Variants in DIS3L2 observed in about 807,000 individuals in gnomAD.
The protein encoded by DIS3L2 is DIS3 like 3'-5' exoribonuclease 2, also known as DIS3-like exonuclease 2.
DIS3L2 carries 34 observed loss-of-function variants against 97.5 expected under a neutral mutation model. That is an observed-to-expected ratio of 0.35 (90% CI 0.27 to 0.46). DIS3L2 has a LOEUF of 0.46. Ranked by LOEUF, DIS3L2 falls within the 20% of genes least tolerant of loss-of-function variation. The probability of loss-of-function intolerance (pLI) is 1.00; values close to 1 mark genes in which losing one functional copy is unlikely to be tolerated. For synonymous variants in DIS3L2, 435 were observed against 445.2 expected, an observed-to-expected ratio of 0.98 and a Z score of 0.29; for missense variants, 1,038 against 1,146.0, an observed-to-expected ratio of 0.91 and a Z score of 1.36.
chr2:232,343,693 G>A, exon 14 of DIS3L2: 1 of 1,135,306 alleles, frequency 8.8e-7, no homozygotes, highest in Non-Finnish European at 1.2e-6. Context: ...CTGGATGTGG[G>A]TGCTGATTTT....
chr2:232,219,680 T>C (rs568232825), intron 10 of DIS3L2, among the ~76,000 whole-genome samples: 1 of 152,292 alleles, frequency 6.6e-6, no homozygotes, highest in African/African-American at 2.4e-5. Flanking sequence ...GAGGCTCACT[T>C]CCTTCCTCTT....
intron 1 of DIS3L2, among the ~76,000 whole-genome samples, chr2:232,007,143 C>CTTT (rs1694073708): frequency 6.6e-5 from 10 of 152,174 alleles, no homozygotes; most frequent in Non-Finnish European, 1.0e-4. Flanking sequence ...ATTGGGAATA[C>CTTT]CCCAGTGGCA....
At chr2:232,071,542 AGAAAC>A (rs1424440165) in intron 5 of DIS3L2, among the ~76,000 whole-genome samples, 1 of 152,000 alleles carries the variant, frequency 6.6e-6, no homozygotes, top group African/African-American at 2.4e-5. Context: ...AAAAAAAAAA[AGAAAC>A]CTGTTATTGA....
At chr2:232,225,665 T>C (rs531095425) in intron 10 of DIS3L2, among the ~76,000 whole-genome samples, 2 of 152,338 alleles carry the variant, frequency 1.3e-5, no homozygotes, top group East Asian at 1.9e-4. Flanking sequence ...ATATTTACTT[T>C]GTAAAACTTC....
intron 3 of DIS3L2, among the ~76,000 whole-genome samples, chr2:232,022,003 A>C (rs922207642): frequency 5.3e-5 from 8 of 152,184 alleles, no homozygotes; most frequent in African/African-American, 1.9e-4. Context: ...GGAAGAAGAC[A>C]GGAGATGGGC....
At chr2:232,265,966 G>T (rs908369460) in intron 13 of DIS3L2, among the ~76,000 whole-genome samples, 1 of 152,178 alleles carries the variant, frequency 6.6e-6, no homozygotes, top group Admixed American at 6.5e-5. Flanking sequence ...AAAACATTTA[G>T]TGATGGGTTT....
intron 5 of DIS3L2, among the ~76,000 whole-genome samples, chr2:232,083,261 G>A (rs536292074): frequency 3.2e-4 from 41 of 130,142 alleles, no homozygotes; most frequent in African/African-American, 1.1e-3. Context: ...GCAGAATCAC[G>A]CTGATTACAA....
At chr2:232,242,680 G>A (rs1323316821) in intron 11 of DIS3L2, among the ~76,000 whole-genome samples, 1 of 152,180 alleles carries the variant, frequency 6.6e-6, no homozygotes, top group Non-Finnish European at 1.5e-5. Context: ...GCTGCCTTGG[G>A]CAGTGGTGTA....
intron 8 of DIS3L2, among the ~76,000 whole-genome samples, chr2:232,159,799 CAT>C (rs1337099879): frequency 6.6e-6 from 1 of 152,188 alleles, no homozygotes; most frequent in African/African-American, 2.4e-5. Flanking sequence ...TCCTGTTACT[CAT>C]GTGCTGAGGG....
At chr2:232,068,488 G>A (rs925335820) in intron 5 of DIS3L2, among the ~76,000 whole-genome samples, 9 of 151,836 alleles carry the variant, frequency 5.9e-5, no homozygotes, top group Non-Finnish European at 1.0e-4. Context: ...AAGCTGAGGC[G>A]GGAGGATCAC....
At chr2:232,076,290 A>G (rs1696185741) in intron 5 of DIS3L2, among the ~76,000 whole-genome samples, 1 of 152,114 alleles carries the variant, frequency 6.6e-6, no homozygotes, top group Non-Finnish European at 1.5e-5. Context: ...CCTGAAGGAG[A>G]CAGGGCAGTG....
At chr2:231,988,782 A>G (rs943862873) in intron 1 of DIS3L2, among the ~76,000 whole-genome samples, 1 of 152,220 alleles carries the variant, frequency 6.6e-6, no homozygotes, top group African/African-American at 2.4e-5. Flanking sequence ...GACTAAGGCC[A>G]TGATATAACT....
intron 9 of DIS3L2, among the ~76,000 whole-genome samples, chr2:232,166,911 C>T (rs1690840574): frequency 6.6e-6 from 1 of 151,826 alleles, no homozygotes; most frequent in Non-Finnish European, 1.5e-5. Flanking sequence ...ATCCCAGCTA[C>T]TTGGGAGGCC....
intron 8 of DIS3L2, among the ~76,000 whole-genome samples, chr2:232,148,058 C>T (rs1205986321): frequency 1.4e-5 from 2 of 146,842 alleles, no homozygotes; most frequent in Non-Finnish European, 3.0e-5. Context: ...CCTCCCCTCC[C>T]CTCTTTTCTT....
intron 11 of DIS3L2, among the ~76,000 whole-genome samples, chr2:232,239,656 A>T (rs1693026682): frequency 6.6e-6 from 1 of 152,184 alleles, no homozygotes. Flanking sequence ...GACTGCCCTA[A>T]GGTCAGAGGA....
At chr2:232,255,155 G>A (rs1693526073) in intron 12 of DIS3L2, among the ~76,000 whole-genome samples, 1 of 152,228 alleles carries the variant, frequency 6.6e-6, no homozygotes, top group East Asian at 1.9e-4. Context: ...AGATGGGAGG[G>A]TTAGGGAGCC....
chr2:232,337,537 C>T (rs997008536), downstream of DIS3L2, among the ~76,000 whole-genome samples: 1 of 151,974 alleles, frequency 6.6e-6, no homozygotes, highest in South Asian at 2.1e-4. Context: ...CTGCCTCAGT[C>T]CCGAGCAGAG....
At chr2:232,106,714 A>C (rs1447464584) in intron 6 of DIS3L2, among the ~76,000 whole-genome samples, 1 of 152,220 alleles carries the variant, frequency 6.6e-6, no homozygotes, top group East Asian at 1.9e-4. Flanking sequence ...ATTAACAAAG[A>C]TATTCAGGAC....
At position 232,196,316 on chromosome 2, in the gene DIS3L2, A is replaced by C. The variant is rs972628674; in HGVS notation, c.1125-14010A>C. Among the ~76,000 whole-genome samples the C allele has an allele frequency of 6.6e-5, 10 of 152,076 alleles. 1 individual carries two copies. On this transcript the variant is annotated intron_variant, in intron 9 of 20. Transcript: ENST00000325385. Reference sequence around the variant, plus strand: ...TATTATTCTTTATTTTCAGCAGCAAATTTATTTAATTGTTTGTATGGATCT... The same window carrying C: ...TATTATTCTTTATTTTCAGCAGCAACTTTATTTAATTGTTTGTATGGATCT...
Sources: gnomAD v4.1 joint callset for allele counts (sites outside exome capture counted in the v4.1 genomes callset) on GRCh38, gnomAD v4.1.1 for gene constraint, MANE v1.5 for transcripts, NCBI Gene and HGNC (gene_info 2026-07-23, HGNC 2026-07-21) for gene names.